Variants in MAGI2 observed in about 807,000 individuals in gnomAD.
The protein encoded by MAGI2 is membrane associated guanylate kinase, WW and PDZ domain containing 2.
Under a neutral mutation model 133.3 loss-of-function variants are expected in MAGI2, and 35 were observed. That is an observed-to-expected ratio of 0.26 (90% confidence interval 0.20 to 0.35). The LOEUF (loss-of-function observed/expected upper bound fraction) is 0.35, where lower values mean the gene tolerates loss of function less well. Among genes scored for constraint, MAGI2 ranks in the 10% least tolerant of loss-of-function variants. The pLI is 1.00. For synonymous variants in MAGI2, 729 were observed against 710.6 expected, an observed-to-expected ratio of 1.03 and a Z score of -0.41; for missense variants, 1,636 against 1,863.4, an observed-to-expected ratio of 0.88 and a Z score of 2.25.
intron 1 of MAGI2, among the ~76,000 whole-genome samples, chr7:79,393,779 A>G (rs989132656): frequency 6.6e-6 from 1 of 152,194 alleles, no homozygotes; most frequent in Non-Finnish European, 1.5e-5. Context: ...TGAATATGTG[A>G]AAGTATTTTA....
intron 9 of MAGI2, among the ~76,000 whole-genome samples, chr7:78,303,431 A>G (rs1470506173): frequency 1.4e-5 from 2 of 146,374 alleles, no homozygotes; most frequent in African/African-American, 2.5e-5. Flanking sequence ...AATCATCTGG[A>G]TATCTTTAAA....
At chr7:78,496,111 G>A (rs1041367555) in intron 5 of MAGI2, among the ~76,000 whole-genome samples, 1 of 152,096 alleles carries the variant, frequency 6.6e-6, no homozygotes, top group South Asian at 2.1e-4. Context: ...TTTGGAAATG[G>A]TAATTGGTAA....
intron 2 of MAGI2, among the ~76,000 whole-genome samples, chr7:78,788,152 C>T (rs1313413670): frequency 6.6e-6 from 1 of 152,160 alleles, no homozygotes; most frequent in Admixed American, 6.5e-5. Context: ...TCTTGGGGTC[C>T]AATCACGTGC....
intron 1 of MAGI2, among the ~76,000 whole-genome samples, chr7:79,345,180 G>T (rs1421782820): frequency 1.3e-5 from 2 of 152,004 alleles, no homozygotes; most frequent in East Asian, 3.9e-4. Flanking sequence ...ACTGAGTAGG[G>T]TATGCCCCAA....
chr7:78,445,208 C>A (rs1158629029), intron 6 of MAGI2, among the ~76,000 whole-genome samples: 4 of 151,988 alleles, frequency 2.6e-5, no homozygotes, highest in Admixed American at 6.6e-5. Context: ...CAGTGCCTTG[C>A]AAGCAGATAT....
At chr7:79,111,670 T>C (rs1041508753) in intron 1 of MAGI2, among the ~76,000 whole-genome samples, 4 of 152,052 alleles carry the variant, frequency 2.6e-5, no homozygotes, top group African/African-American at 7.2e-5. Flanking sequence ...TTTGTTTGTT[T>C]GTTTGTTTGT....
intron 1 of MAGI2, among the ~76,000 whole-genome samples, chr7:79,280,498 T>C (rs1835554261): frequency 6.6e-6 from 1 of 152,150 alleles, no homozygotes; most frequent in African/African-American, 2.4e-5. Context: ...AGATTTTCCA[T>C]GTAGCATGTA....
chr7:79,271,615 GATA>G (rs1316265425), intron 1 of MAGI2, among the ~76,000 whole-genome samples: 1 of 150,688 alleles, frequency 6.6e-6, no homozygotes, highest in Non-Finnish European at 1.5e-5. Context: ...CTATGCTAGG[GATA>G]ATAAGGAAAA....
intron 1 of MAGI2, among the ~76,000 whole-genome samples, chr7:79,394,417 C>A (rs1159866306): frequency 2.0e-5 from 3 of 152,166 alleles, no homozygotes; most frequent in Admixed American, 2.0e-4. Flanking sequence ...CCTGTTTACT[C>A]CCATTGGTTG....
intron 1 of MAGI2, among the ~76,000 whole-genome samples, chr7:79,191,959 A>G (rs2129551227): frequency 6.6e-6 from 1 of 151,960 alleles, no homozygotes; most frequent in Admixed American, 6.6e-5. Context: ...TTTGTATCAA[A>G]TAGAATCTTA....
intron 21 of MAGI2, chr7:78,078,408 A>C (rs1815593627): frequency 6.3e-6 from 1 of 159,210 alleles, no homozygotes; most frequent in African/African-American, 2.4e-5. Context: ...ACAGAAACAC[A>C]ACACAGGAGT....
intron 1 of MAGI2, chr7:79,412,260 T>C (rs1846195389): frequency 1.3e-5 from 2 of 152,136 alleles, no homozygotes; most frequent in Non-Finnish European, 2.9e-5. Context: ...TAAGTTGATG[T>C]TGTACAGTAG....
intron 1 of MAGI2, among the ~76,000 whole-genome samples, chr7:79,186,207 TA>T (rs1827090826): frequency 5.8e-4 from 2 of 3,460 alleles, no homozygotes; most frequent in Non-Finnish European, 3.1e-3. Context: ...TATATATATA[TA>T]TATATATATA....
At chr7:78,915,519 A>C (rs548889466) in intron 2 of MAGI2, among the ~76,000 whole-genome samples, 42 of 152,092 alleles carry the variant, frequency 2.8e-4, no homozygotes, top group Non-Finnish European at 5.7e-4. Context: ...GTCCCTTTAC[A>C]AAATAAAATT....
chr7:78,675,583 G>A (rs931832082), intron 2 of MAGI2, among the ~76,000 whole-genome samples: 2 of 152,050 alleles, frequency 1.3e-5, no homozygotes, highest in East Asian at 1.9e-4. Context: ...TCAGAGTCAG[G>A]CTTTGCTCCG....
intron 2 of MAGI2, among the ~76,000 whole-genome samples, chr7:78,996,181 A>G (rs1461986803): frequency 6.6e-6 from 1 of 152,186 alleles, no homozygotes; most frequent in Admixed American, 6.6e-5. Flanking sequence ...CAGGTTTCCT[A>G]TAAATATGCA....
At chr7:78,184,672 A>G (rs1217407906) in intron 13 of MAGI2, 2 of 152,228 alleles carry the variant, frequency 1.3e-5, no homozygotes, top group East Asian at 3.8e-4. Flanking sequence ...AAAAAAATTA[A>G]ATCTTCTTTT....
intron 1 of MAGI2, among the ~76,000 whole-genome samples, chr7:79,014,228 G>T (rs1808461456): frequency 6.6e-6 from 1 of 152,062 alleles, no homozygotes; most frequent in Non-Finnish European, 1.5e-5. Context: ...TTGTACAGAT[G>T]GGATATTATT....
chr7:78,034,967 G>C (rs1167441543), intron 21 of MAGI2: 1 of 152,304 alleles, frequency 6.6e-6, no homozygotes, highest in Non-Finnish European at 1.5e-5. Flanking sequence ...GTGGTATTTG[G>C]GGGGACTCCA....
Sources: allele counts gnomAD v4.1 joint callset (sites outside exome capture counted in the v4.1 genomes callset), GRCh38; gene constraint gnomAD v4.1.1; transcripts MANE v1.5; gene names NCBI Gene and HGNC (gene_info 2026-07-23, HGNC 2026-07-21).